SMG7: variants seen among roughly 807,000 people sequenced by gnomAD.
SMG7 encodes the protein nonsense-mediated mRNA decay factor SMG7.
SMG7 carries 34 observed loss-of-function variants against 148.2 expected under a neutral mutation model. That is an observed-to-expected ratio of 0.23 (90% CI 0.17 to 0.31). The LOEUF (loss-of-function observed/expected upper bound fraction) is 0.31, where lower values mean the gene tolerates loss of function less well. Ranked by LOEUF, SMG7 falls within the 10% of genes least tolerant of loss-of-function variation. SMG7 has a pLI of 1.00. For synonymous variants in SMG7, 492 were observed against 515.1 expected, an observed-to-expected ratio of 0.96 and a Z score of 0.61; for missense variants, 1,114 against 1,408.4, an observed-to-expected ratio of 0.79 and a Z score of 3.35.
At chr1:183,522,341 T>A (rs1664939924) in intron 4 of SMG7, among the ~76,000 whole-genome samples, 1 of 152,042 alleles carries the variant, frequency 6.6e-6, no homozygotes, top group Non-Finnish European at 1.5e-5. Flanking sequence ...ACCATTGCAA[T>A]CAAGAAAATG....
At chr1:183,545,910 A>G in intron 16 of SMG7, 56 bp from the exon 17 acceptor site, 3 of 1,517,854 alleles carry the variant, frequency 2.0e-6, no homozygotes, top group East Asian at 4.5e-5. Flanking sequence ...TTTAGCATTC[A>G]TTATAAGTAA....
chr1:183,534,178 G>A (rs1289476908), intron 10 of SMG7, among the ~76,000 whole-genome samples: 1 of 125,570 alleles, frequency 8.0e-6, no homozygotes, highest in Non-Finnish European at 1.7e-5. Context: ...TTGAGTTGAA[G>A]GGAAGAGATT....
At chr1:183,502,513 A>G (rs1333669552) in intron 1 of SMG7, 38 of 730,614 alleles carry the variant, frequency 5.2e-5, no homozygotes. Flanking sequence ...TTTGGCCAAG[A>G]TCGGGATGGG....
rs114550314 is a variant in SMG7 at position 183,505,626 on chromosome 1, C to T, written c.30-7211C>T. On this transcript the variant is annotated intron_variant, in intron 1 of 22. Transcript: ENST00000688051. ...ATACTTATCTCTGAATGCCTGCTTA[C>T]GCATTCATTAATTCAACAAATTGAA... Among the ~76,000 whole-genome samples the T allele has an allele frequency of 4.4e-3, 672 of 152,336 alleles. 3 individuals are homozygous for T. Among genetic ancestry groups the T allele is most frequent in the African/African-American group, 0.015 (644 of 41,572 alleles).
rs1666383204 is a variant in SMG7 at position 183,528,938 on chromosome 1, C to T, written c.603C>T (p.Asp201=). 2 of 1,613,428 alleles carry T rather than the reference C, an allele frequency of 1.2e-6. No homozygotes were observed. The highest frequency in any genetic ancestry group is 1.7e-6 in the Non-Finnish European group (2 of 1,179,426). Reference sequence around the variant, plus strand: ...CTATCTTAGCTTCTTCCAAAGGAGACCATCTGACCACAATTTTCTACTACT... The same window carrying T: ...CTATCTTAGCTTCTTCCAAAGGAGATCATCTGACCACAATTTTCTACTACT... ...QLAILASSKG[D]HLTTIFYYCR... The change falls in exon 7 of 23, where the codon GAC becomes GAT. Residue 201 remains aspartate, a synonymous_variant. Transcript: ENST00000688051.
In SMG7 at chr1:183,520,316, T is replaced by C. The variant is rs1416111146; in HGVS notation, c.312+2496T>C. Among the ~76,000 whole-genome samples the C allele has an allele frequency of 3.9e-5, 6 of 152,170 alleles. No homozygotes were observed. The East Asian group carries it at 1.2e-3, about 29-fold the overall frequency. The stretch of plus-strand genomic sequence containing the variant: ...AAATTATATATATATAATTTGATTC[T>C]ACATGTTAATTGAGTAGTCTCAGTT... On this transcript the variant is annotated intron_variant, in intron 4 of 22. Transcript: ENST00000688051.
intron 1 of SMG7, among the ~76,000 whole-genome samples, chr1:183,507,631 G>A (rs367953629): frequency 2.6e-5 from 4 of 152,116 alleles, no homozygotes; most frequent in East Asian, 3.9e-4. Context: ...AATAGTAAAC[G>A]CTACATATAG....
At chr1:183,484,094 G>T (rs935267031) in intron 1 of SMG7, among the ~76,000 whole-genome samples, 1 of 152,032 alleles carries the variant, frequency 6.6e-6, no homozygotes, top group Admixed American at 6.5e-5. Context: ...GACCATGGTA[G>T]AATTACTAGG....
At chr1:183,506,206 G>A (rs1178197557) in intron 1 of SMG7, among the ~76,000 whole-genome samples, 1 of 152,064 alleles carries the variant, frequency 6.6e-6, no homozygotes, top group Non-Finnish European at 1.5e-5. Flanking sequence ...ATAAAACTAG[G>A]TACACATTTT....
intron 10 of SMG7, among the ~76,000 whole-genome samples, chr1:183,536,872 A>G (rs926685599): frequency 6.6e-6 from 1 of 152,180 alleles, no homozygotes; most frequent in South Asian, 2.1e-4. Flanking sequence ...AAACTGACAA[A>G]TTATTTTCAC....
chr1:183,472,553 G>A lies in SMG7; in HGVS notation c.-68G>A, dbSNP rs1571681636. ...GGCCGCCAGCACCCGCGGTGCCGCG[G>A]GGCCGCTCCGAGGAGCCTGAGAGAC... is the stretch of plus-strand genomic sequence containing the variant. On this transcript the variant is annotated 5_prime_UTR_variant, in exon 1 of 23. Transcript: ENST00000688051. 5 of 1,353,208 alleles carry A rather than the reference G, an allele frequency of 3.7e-6. No individual in the cohort carries two copies. Among genetic ancestry groups the A allele is most frequent in the Admixed American group, 6.5e-5 (2 of 30,934 alleles). The allele number at this position is 1,353,208 out of a possible 1,614,324, so 83.8% of individuals were successfully genotyped here. A position where few individuals can be genotyped will look rare whatever the true frequency, so the allele number is the denominator to read the frequency against.
chr1:183,549,963 G>C (rs777271553), intron 20 of SMG7, 40 bp downstream of exon 20: 1 of 1,430,480 alleles, frequency 7.0e-7, no homozygotes, highest in African/African-American at 1.4e-5. Context: ...TACATTTCCT[G>C]TACACTCAGA....
At chr1:183,535,648 C>T (rs913057920) in intron 10 of SMG7, among the ~76,000 whole-genome samples, 6 of 152,136 alleles carry the variant, frequency 3.9e-5, no homozygotes, top group Admixed American at 2.6e-4. Context: ...TCTGGGCCTT[C>T]TCAATTTCTA....
chr1:183,547,695 A>G (rs1455508494), intron 18 of SMG7, among the ~76,000 whole-genome samples: 1 of 152,208 alleles, frequency 6.6e-6, no homozygotes, highest in African/African-American at 2.4e-5. Flanking sequence ...ACTGAACAGT[A>G]TATGGCTCTT....
chr1:183,541,680 A>G (rs1402040799), intron 13 of SMG7, among the ~76,000 whole-genome samples: 1 of 152,212 alleles, frequency 6.6e-6, no homozygotes, highest in Non-Finnish European at 1.5e-5. Context: ...GGTTTCTGTC[A>G]TACAGTAGGT....
chr1:183,552,652 G>T lies in SMG7; in HGVS notation c.*721G>T. On this transcript the variant is annotated 3_prime_UTR_variant, in exon 23 of 23. Transcript: ENST00000688051. ...TGCCCTTCACTCTGTAGGTGCTCGA[G>T]CCCCAATCGAGGATACAGTGTGGGT... 1 of 1,108,268 alleles carries T rather than the reference G, an allele frequency of 9.0e-7. No individual in the cohort carries two copies. 68.7% of individuals were successfully genotyped at this position (1,108,268 alleles called of 1,614,324 possible).
intron 1 of SMG7, 33 bp downstream of exon 1, chr1:183,472,682 G>A: frequency 6.9e-7 from 1 of 1,458,446 alleles, no homozygotes; most frequent in African/African-American, 1.4e-5. Flanking sequence ...TACGTAGGGG[G>A]AGCGGGCCGC....
At chr1:183,544,806 A>G in intron 15 of SMG7, 124 bp from the exon 16 acceptor site, 1 of 1,008,010 alleles carries the variant, frequency 9.9e-7, no homozygotes, top group Non-Finnish European at 1.5e-6. Flanking sequence ...GATTGACAAC[A>G]TGACTAATCT....
intron 1 of SMG7, among the ~76,000 whole-genome samples, chr1:183,476,689 G>A (rs1374495604): frequency 6.6e-6 from 1 of 152,124 alleles, no homozygotes; most frequent in Non-Finnish European, 1.5e-5. Context: ...TGAAAGGTAA[G>A]TATCTTTTTA....
Sources: gnomAD v4.1 joint callset for allele counts (sites outside exome capture counted in the v4.1 genomes callset) on GRCh38, gnomAD v4.1.1 for gene constraint, MANE v1.5 for transcripts, NCBI Gene and HGNC (gene_info 2026-07-23, HGNC 2026-07-21) for gene names.